WDR33: variants seen among roughly 807,000 people sequenced by gnomAD.
WDR33 encodes the protein WD repeat domain 33, also known as pre-mRNA 3' end processing protein WDR33.
Under a neutral mutation model 164.9 loss-of-function variants are expected in WDR33, and 47 were observed. That is an observed-to-expected ratio of 0.29 (90% CI 0.23 to 0.36). WDR33 has a LOEUF of 0.36. WDR33 is among the 10% of genes least tolerant of loss of function. The probability of loss-of-function intolerance (pLI) is 1.00; values close to 1 mark genes in which losing one functional copy is unlikely to be tolerated. For synonymous variants in WDR33, 505 were observed against 589.0 expected (o/e 0.86, Z 2.06); for missense variants, 1,137 against 1,754.1 (o/e 0.65, Z 6.28).
In WDR33 at chr2:127,764,839, A is replaced by C; in HGVS notation, c.615T>G (p.Ile205Met). Residue 205 changes from isoleucine (I) to methionine (M), a missense_variant, in exon 6 of 22, where the codon ATT (isoleucine) becomes ATG (methionine). Coordinates refer to ENST00000322313, the MANE Select transcript of WDR33 (RefSeq NM_018383.5). The surrounding 1 kb of genome is among the most constrained non-coding windows in gnomAD (Gnocchi z 6.2). ...TATTGTGTATAAACCTGGCCTCTCT[A>C]ATCGCCTCCTTATGTGCCTGGAACA... Reference protein sequence around the residue: ...VKMFQAHKEAIREASFSPTDN... With the variant: ...VKMFQAHKEAMREASFSPTDN... 2 of 1,614,190 alleles carry C rather than the reference A, an allele frequency of 1.2e-6. No homozygotes were observed. Among genetic ancestry groups the C allele is most frequent in the Non-Finnish European group, 1.7e-6 (2 of 1,180,028 alleles).
chr2:127,737,427 G>A (rs1475053991), intron 7 of WDR33: 34 of 985,378 alleles, frequency 3.5e-5, no homozygotes, highest in Non-Finnish European at 3.9e-5. Flanking sequence ...AAACATTTCT[G>A]CAGATATTCA....
chr2:127,764,690 A>G lies in WDR33; in HGVS notation c.626+138T>C. 1 of 1,605,384 alleles carries G rather than the reference A, an allele frequency of 6.2e-7. No individual in the cohort carries two copies. The highest frequency in any genetic ancestry group is 8.5e-7 in the Non-Finnish European group (1 of 1,175,390). On this transcript the variant is annotated intron_variant, in intron 6 of 21. Coordinates refer to ENST00000322313, the MANE Select transcript of WDR33 (RefSeq NM_018383.5). The surrounding 1 kb of genome is among the most constrained non-coding windows in gnomAD (Gnocchi z 6.2). ...AAATGGTGAATGTGTGAAAACAAAG[A>G]AAAATATTGTGTTTATAGGGTGCAG... is the stretch of plus-strand genomic sequence containing the variant.
intron 7 of WDR33, 75 bp downstream of exon 7, chr2:127,762,987 T>G: frequency 6.2e-7 from 1 of 1,606,630 alleles, no homozygotes; most frequent in Non-Finnish European, 8.5e-7. Flanking sequence ...AAGCCAGTAT[T>G]GTGGTTTTGT....
intron 1 of WDR33, among the ~76,000 whole-genome samples, chr2:127,804,024 G>C (rs1299048020): frequency 6.6e-6 from 1 of 151,190 alleles, no homozygotes; most frequent in Admixed American, 6.6e-5. Context: ...AAAGAGATAC[G>C]AAATATCTAG....
At position 127,701,708 on chromosome 2, in the gene WDR33, G is replaced by C; in HGVS notation, c.*4615C>G. 1 of 1,328,052 alleles carries C rather than the reference G, an allele frequency of 7.5e-7. No individual in the cohort carries two copies. Among genetic ancestry groups the C allele is most frequent in the Non-Finnish European group, 9.6e-7 (1 of 1,043,890 alleles). The allele number at this position is 1,328,052 out of a possible 1,614,324, so 82.3% of individuals were successfully genotyped here. On this transcript the variant is annotated 3_prime_UTR_variant, in exon 22 of 22. Coordinates refer to ENST00000322313, the MANE Select transcript of WDR33 (RefSeq NM_018383.5). ...CGTGGGCGCGGAGCCCTGCGGAGTC[G>C]GCAGCGGCCGGCCTGACGTGCCTCC...
rs540121709 is a variant in WDR33 at position 127,741,838 on chromosome 2, T to C, written c.725-15061A>G. Among the ~76,000 whole-genome samples the C allele has an allele frequency of 1.3e-5, 2 of 151,716 alleles. No homozygotes were observed. Among genetic ancestry groups the C allele is most frequent in the African/African-American group, 4.8e-5 (2 of 41,402 alleles). ...AAAACAAACCAACTACAAAACAGGCTTCCTTGAAAAATGAAAAGATTAGAG... is the reference window on the plus strand; with the variant it reads ...AAAACAAACCAACTACAAAACAGGCCTCCTTGAAAAATGAAAAGATTAGAG... On this transcript the variant is annotated intron_variant, in intron 7 of 21. Coordinates refer to ENST00000322313, the MANE Select transcript of WDR33 (RefSeq NM_018383.5). The surrounding 1 kb of genome is among the most constrained non-coding windows in gnomAD (Gnocchi z 4.1).
intron 1 of WDR33, among the ~76,000 whole-genome samples, chr2:127,782,186 C>T (rs1335481431): frequency 6.6e-6 from 1 of 151,962 alleles, no homozygotes; most frequent in Admixed American, 6.6e-5. Context: ...GCAGGAGGGT[C>T]ATTTGAGGTC....
rs188933103 is a variant in WDR33 at position 127,722,588 on chromosome 2, T to C, written c.1518+3A>G. On this transcript the variant is annotated splice_donor_region_variant and intron_variant, in intron 14 of 21. Transcript: ENST00000322313. The surrounding 1 kb of genome is among the most constrained non-coding windows in gnomAD (Gnocchi z 5.1). ...TGGATGAGGTGGAGTCACTTTTACTTACCTGCTGGAACTGAGCAGGAATGG... is the reference window on the plus strand; with the variant it reads ...TGGATGAGGTGGAGTCACTTTTACTCACCTGCTGGAACTGAGCAGGAATGG... The C allele has an allele frequency of 8.6e-5, 139 of 1,612,136 alleles. 1 individual carries two copies. In the East Asian group the frequency reaches 2.8e-3, roughly 33 times the overall value.
chr2:127,771,041 A>C, intron 1 of WDR33, 37 bp from the exon 2 acceptor site: 5 of 1,508,876 alleles, frequency 3.3e-6, no homozygotes, highest in South Asian at 1.2e-5. Context: ...TACAAATATC[A>C]GCACTGCAAC....
rs202154736 is a variant in WDR33 at position 127,720,011 on chromosome 2, G to A, written c.2014C>T (p.His672Tyr). 1.4e-5 allele frequency: 23 copies of A among 1,613,758 alleles called. No individual in the cohort carries two copies. The Admixed American group carries it at 2.7e-4, about 19-fold the overall frequency. ...PQGLPRPQDM[H>Y]GPQGMQRHPG... ...TGCCTCTGCATTCCTTGGGGCCCAT[G>A]CATGTCCTGAGGCCGTGGCAACCCC... is the stretch of plus-strand genomic sequence containing the variant. Residue 672 changes from histidine to tyrosine, a missense_variant, in exon 16 of 22, where the codon CAT becomes TAT. By Grantham distance (83) the His-to-Tyr change is moderately conservative (BLOSUM62 2). Transcript: ENST00000322313. This position sits in a 1 kb window ranked among gnomAD's most constrained non-coding sequence, Gnocchi z 5.9.
chr2:127,714,929 A>T lies in WDR33; in HGVS notation c.2870-908T>A, dbSNP rs551167473. 6.6e-6 allele frequency among the ~76,000 whole-genome samples: 1 copy of T among 152,274 alleles called. No individual in the cohort carries two copies. The highest frequency in any genetic ancestry group is 1.5e-5 in the Non-Finnish European group (1 of 68,038). The stretch of plus-strand genomic sequence containing the variant: ...AAGGATACTCTTGATTCTAAAAACA[A>T]AAACTGTGTTTTTAAAGTGAAATTC... On this transcript the variant is annotated intron_variant, in intron 17 of 21. Coordinates refer to ENST00000322313, the MANE Select transcript of WDR33 (RefSeq NM_018383.5). The surrounding 1 kb of genome is among the most constrained non-coding windows in gnomAD (Gnocchi z 4.3).
chr2:127,805,793 A>T (rs553418202), intron 1 of WDR33, among the ~76,000 whole-genome samples: 6 of 152,324 alleles, frequency 3.9e-5, no homozygotes, highest in African/African-American at 1.4e-4. Context: ...GGCAGAAAGT[A>T]AGCTGTGCCC....
chr2:127,759,395 A>T (rs1687613064), intron 7 of WDR33, among the ~76,000 whole-genome samples: 1 of 152,192 alleles, frequency 6.6e-6, no homozygotes, highest in Non-Finnish European at 1.5e-5. Flanking sequence ...ATACTATAAT[A>T]AAAAGCAACT....
chr2:127,745,203 T>C (rs188831421), intron 7 of WDR33, among the ~76,000 whole-genome samples: 1 of 152,312 alleles, frequency 6.6e-6, no homozygotes, highest in East Asian at 1.9e-4. Context: ...TTTGTGTAAA[T>C]GTACGACCCA....
intron 21 of WDR33, among the ~76,000 whole-genome samples, chr2:127,707,970 G>C (rs573143333): frequency 5.3e-5 from 8 of 152,258 alleles, no homozygotes; most frequent in African/African-American, 1.9e-4. Context: ...CCAAATGGCA[G>C]AACTCTGTAC....
rs1370691376 is a variant in WDR33, at chr2:127,717,390, T to C, written c.2761-127A>G. 12 of 753,060 alleles carry C rather than the reference T, an allele frequency of 1.6e-5. 1 individual carries two copies. The highest frequency in any genetic ancestry group is 2.2e-5 in the Non-Finnish European group (11 of 506,740). 46.6% of individuals were successfully genotyped at this position (753,060 alleles called of 1,614,324 possible). A position where few individuals can be genotyped will look rare whatever the true frequency, so the allele number is the denominator to read the frequency against. Reference sequence around the variant, plus strand: ...TTTACCTAGTAAGATTACAGTAACATTGTCCTTAAATCAGGAGAAAGGAGA... The same window carrying C: ...TTTACCTAGTAAGATTACAGTAACACTGTCCTTAAATCAGGAGAAAGGAGA... On this transcript the variant is annotated intron_variant, in intron 16 of 21. Coordinates refer to ENST00000322313, the MANE Select transcript of WDR33 (RefSeq NM_018383.5). This position sits in a 1 kb window ranked among gnomAD's most constrained non-coding sequence, Gnocchi z 5.6.
rs375921352 is a variant in WDR33 at position 127,706,327 on chromosome 2, C to G, written c.4007G>C (p.Arg1336Pro). ...CAGGGTACTCAGTTCCAGCTTCTAC[C>G]GACCCCTTCCACCACCCCGTGAAGC... ...RGASRGGGRG[R>P] Residue 1336 changes from arginine to proline, a missense_variant, in exon 22 of 22, where the codon CGG becomes CCG. Arg to Pro is a moderately radical substitution (Grantham distance 103). Coordinates refer to ENST00000322313, the MANE Select transcript of WDR33 (RefSeq NM_018383.5). The surrounding 1 kb of genome is among the most constrained non-coding windows in gnomAD (Gnocchi z 5.1). 1.3e-6 allele frequency: 2 copies of G among 1,560,598 alleles called. No homozygotes were observed. Among genetic ancestry groups the G allele is most frequent in the African/African-American group, 1.4e-5 (1 of 73,388 alleles).
At position 127,789,655 on chromosome 2, in the gene WDR33, C is replaced by T. The variant is rs368585655; in HGVS notation, c.-23-18651G>A. Among the ~76,000 whole-genome samples, 119 of 151,166 alleles carry T rather than the reference C, an allele frequency of 7.9e-4. 1 individual carries two copies. The highest frequency in any genetic ancestry group is 2.6e-3 in the African/African-American group (106 of 41,360). On this transcript the variant is annotated intron_variant, in intron 1 of 21. Transcript: ENST00000322313. ...AGATGGCAGCAGTACAGTCCAGCTTCGGCTCCGCATCTTCCTTTCTGTTCT... is the reference window on the plus strand; with the variant it reads ...AGATGGCAGCAGTACAGTCCAGCTTTGGCTCCGCATCTTCCTTTCTGTTCT...
At chr2:127,762,505 A>G in intron 7 of WDR33, 1 of 985,152 alleles carries the variant, frequency 1.0e-6, no homozygotes. Flanking sequence ...GGAATGAAGT[A>G]ATTTCATAGA....
Sources: gnomAD v4.1 joint callset for allele counts (sites outside exome capture counted in the v4.1 genomes callset) on GRCh38, gnomAD v4.1.1 for gene constraint, Gnocchi (gnomAD v3.1) non-coding constraint, MANE v1.5 for transcripts, NCBI Gene and HGNC (gene_info 2026-07-23, HGNC 2026-07-21) for gene names.